ADK: variants seen among roughly 807,000 people sequenced by gnomAD.
ADK encodes N6,N6-dimethyladenosine kinase.
Under a neutral mutation model 44.7 loss-of-function variants are expected in ADK, and 24 were observed. The observed-to-expected ratio is 0.54, with a 90% CI of 0.39 to 0.76. The LOEUF (loss-of-function observed/expected upper bound fraction) is 0.76, where lower values mean the gene tolerates loss of function less well. Among genes scored for constraint, ADK ranks in the 30% least tolerant of loss-of-function variants. The pLI is 0.00. For synonymous variants in ADK, 128 were observed against 142.6 expected, an observed-to-expected ratio of 0.90 and a Z score of 0.73; for missense variants, 321 against 425.1, an observed-to-expected ratio of 0.76 and a Z score of 2.15.
chr10:74,400,285 A>G (rs578164635), intron 6 of ADK, among the ~76,000 whole-genome samples: 1 of 152,298 alleles, frequency 6.6e-6, no homozygotes, highest in Admixed American at 6.5e-5. Flanking sequence ...GTTTCATAAA[A>G]AGAATGATCT....
At chr10:74,586,038 G>A (rs898645801) in intron 7 of ADK, among the ~76,000 whole-genome samples, 2 of 152,200 alleles carry the variant, frequency 1.3e-5, no homozygotes, top group African/African-American at 2.4e-5. Context: ...TGCATGTCAT[G>A]AATCTGACAA....
chr10:74,260,496 C>T (rs988531634), intron 3 of ADK, among the ~76,000 whole-genome samples: 52 of 152,152 alleles, frequency 3.4e-4, no homozygotes, highest in Admixed American at 5.2e-4. Flanking sequence ...TGCCTGGCCT[C>T]AAGTGATCCT....
intron 3 of ADK, among the ~76,000 whole-genome samples, chr10:74,302,153 G>T (rs1244421605): frequency 1.2e-5 from 1 of 84,606 alleles, no homozygotes; most frequent in African/African-American, 4.9e-5. Flanking sequence ...TTTTGAGATG[G>T]AGTCTTGCTC....
At chr10:74,351,093 C>A (rs1275487885) in intron 4 of ADK, among the ~76,000 whole-genome samples, 2 of 152,166 alleles carry the variant, frequency 1.3e-5, no homozygotes, top group South Asian at 4.1e-4. Context: ...CCAGCATCAT[C>A]CTGATTCCAA....
At chr10:74,542,879 AT>A (rs1198327291) in intron 7 of ADK, among the ~76,000 whole-genome samples, 1 of 151,072 alleles carries the variant, frequency 6.6e-6, no homozygotes, top group Non-Finnish European at 1.5e-5. Context: ...TTTTAATTTT[AT>A]TTTAGTTATT....
intron 3 of ADK, among the ~76,000 whole-genome samples, chr10:74,230,137 T>C (rs924373298): frequency 2.7e-5 from 4 of 147,670 alleles, no homozygotes; most frequent in Non-Finnish European, 6.0e-5. Flanking sequence ...AAAGTCAAAA[T>C]TGAAATAAGC....
At chr10:74,209,184 G>A (rs1238480777) in intron 2 of ADK, among the ~76,000 whole-genome samples, 1 of 152,172 alleles carries the variant, frequency 6.6e-6, no homozygotes, top group Admixed American at 6.5e-5. Context: ...AATGGGGTTA[G>A]CACACTTGTG....
chr10:74,191,214 T>A (rs1008106850), intron 1 of ADK, among the ~76,000 whole-genome samples: 2 of 151,596 alleles, frequency 1.3e-5, no homozygotes, highest in East Asian at 1.9e-4. Flanking sequence ...CTCCTGACCT[T>A]GTGATCTGCC....
chr10:74,359,665 A>T (rs1842264109), intron 4 of ADK, among the ~76,000 whole-genome samples: 1 of 152,214 alleles, frequency 6.6e-6, no homozygotes, highest in African/African-American at 2.4e-5. Flanking sequence ...AGCTATAATC[A>T]TGCCACTGCA....
chr10:74,605,705 C>T (rs7099552), intron 9 of ADK, among the ~76,000 whole-genome samples: 3,260 of 152,130 alleles, frequency 0.021, 126 homozygotes, highest in African/African-American at 0.074. Flanking sequence ...CTGAAATTTT[C>T]TTTTTTTGTT....
At chr10:74,504,474 C>G (rs2133465057) in intron 6 of ADK, among the ~76,000 whole-genome samples, 1 of 152,154 alleles carries the variant, frequency 6.6e-6, no homozygotes, top group South Asian at 2.1e-4. Context: ...CTACTGTTGA[C>G]CAGAAGCCTT....
chr10:74,541,574 A>AT (rs1849626669), intron 7 of ADK, among the ~76,000 whole-genome samples: 1 of 151,974 alleles, frequency 6.6e-6, no homozygotes, highest in Non-Finnish European at 1.5e-5. Context: ...TGATTAATAC[A>AT]TTTTTTATAG....
At chr10:74,168,116 C>T (rs1215924373) in intron 1 of ADK, among the ~76,000 whole-genome samples, 1 of 152,164 alleles carries the variant, frequency 6.6e-6, no homozygotes, top group Middle Eastern at 3.2e-3. Flanking sequence ...CTTGATTATT[C>T]ATCTTTCTCT....
Position 74,589,277 on chromosome 10 carries a change from T to A in ADK, c.727-5T>A, listed in dbSNP as rs1370241061. ...ATTAACTGTTCTTTTTTTTTTTTATTTCAGGAAGCTGCCACTTTTGCTAGA... is the reference window on the plus strand; with the variant it reads ...ATTAACTGTTCTTTTTTTTTTTTATATCAGGAAGCTGCCACTTTTGCTAGA... On this transcript the variant is annotated splice_polypyrimidine_tract_variant and splice_region_variant and intron_variant, in intron 7 of 10. Transcript: ENST00000539909. The A allele has an allele frequency of 6.2e-7, 1 of 1,613,746 alleles. No homozygotes were observed. Among genetic ancestry groups the A allele is most frequent in the Non-Finnish European group, 8.5e-7 (1 of 1,179,800 alleles).
At chr10:74,595,618 C>T (rs1420597547) in intron 8 of ADK, among the ~76,000 whole-genome samples, 11 of 151,042 alleles carry the variant, frequency 7.3e-5, no homozygotes, top group Non-Finnish European at 1.5e-4. Context: ...CCTCATGATC[C>T]GCCCGCCTCC....
chr10:74,217,164 C>T (rs1844074928), intron 2 of ADK, among the ~76,000 whole-genome samples: 1 of 152,224 alleles, frequency 6.6e-6, no homozygotes, highest in African/African-American at 2.4e-5. Flanking sequence ...TCATTCCCAC[C>T]CGAATACTGC....
At chr10:74,608,124 A>G (rs1852401043) in intron 9 of ADK, among the ~76,000 whole-genome samples, 3 of 151,802 alleles carry the variant, frequency 2.0e-5, no homozygotes, top group Non-Finnish European at 4.4e-5. Context: ...CTAGTTAGCA[A>G]TTCCTCTAAC....
chr10:74,342,273 A>G (rs1169626853), intron 4 of ADK, among the ~76,000 whole-genome samples: 1 of 152,094 alleles, frequency 6.6e-6, no homozygotes, highest in Non-Finnish European at 1.5e-5. Context: ...TGAATGTGGG[A>G]TGTTTTTCCA....
intron 7 of ADK, among the ~76,000 whole-genome samples, chr10:74,565,727 C>CAAAAAAAAA (rs398014155): frequency 1.6e-5 from 1 of 63,378 alleles, no homozygotes; most frequent in East Asian, 3.8e-4. Flanking sequence ...AACTCCGTCT[C>CAAAAAAAAA]AAAAAAAAAA....
Sources: allele counts gnomAD v4.1 joint callset (sites outside exome capture counted in the v4.1 genomes callset), GRCh38; gene constraint gnomAD v4.1.1; transcripts MANE v1.5; gene names NCBI Gene and HGNC (gene_info 2026-07-23, HGNC 2026-07-21).